TENM3: variants seen among roughly 807,000 people sequenced by gnomAD.
TENM3 encodes the protein teneurin-3.
TENM3 carries 63 observed loss-of-function variants against 255.1 expected under a neutral mutation model. The ratio of observed to expected loss-of-function variants is 0.25; its 90% CI spans 0.20 to 0.30. The LOEUF (loss-of-function observed/expected upper bound fraction) is 0.30. Ranked by LOEUF, TENM3 falls within the 10% of genes least tolerant of loss-of-function variation. The probability of loss-of-function intolerance (pLI) is 1.00; values close to 1 mark genes in which losing one functional copy is unlikely to be tolerated. For synonymous variants in TENM3, 1,306 were observed against 1,322.3 expected (o/e 0.99, Z 0.27); for missense variants, 2,929 against 3,461.1 (o/e 0.85, Z 3.86).
chr4:181,523,147 T>TAGTGAAGC, the TENM3 span: 4 of 365,686 alleles, frequency 1.1e-5, no homozygotes, highest in East Asian at 2.3e-4. Context: ...AAGCCTGTAC[T>TAGTGAAGC]CAATATATAA....
At chr4:182,555,640 A>G (rs1742509218) in intron 3 of TENM3, among the ~76,000 whole-genome samples, 1 of 152,224 alleles carries the variant, frequency 6.6e-6, no homozygotes, top group South Asian at 2.1e-4. Flanking sequence ...TACCATGTCA[A>G]GAAAGACTCA....
At chr4:181,954,324 G>C in the TENM3 span, among the ~76,000 whole-genome samples, 2 of 152,128 alleles carry the variant, frequency 1.3e-5, no homozygotes, top group Admixed American at 1.3e-4. Context: ...CTAAATATAT[G>C]TTAATTTTAT....
At chr4:182,297,573 GCT>G (rs1285800941) in intron 1 of TENM3, among the ~76,000 whole-genome samples, 3 of 152,144 alleles carry the variant, frequency 2.0e-5, no homozygotes, top group Non-Finnish European at 4.4e-5. Flanking sequence ...AGTGTCCCAG[GCT>G]CCCAAGCTGC....
chr4:181,884,064 C>T, the TENM3 span, among the ~76,000 whole-genome samples: 1 of 152,066 alleles, frequency 6.6e-6, no homozygotes, highest in African/African-American at 2.4e-5. Context: ...GAACAATTCT[C>T]ATTATTTACA....
chr4:181,878,211 T>C, the TENM3 span, among the ~76,000 whole-genome samples: 4 of 152,122 alleles, frequency 2.6e-5, no homozygotes, highest in Admixed American at 1.3e-4. Flanking sequence ...GTTTAACTTA[T>C]ATACAAGGCT....
chr4:181,529,790 C>T, the TENM3 span, among the ~76,000 whole-genome samples: 23 of 152,294 alleles, frequency 1.5e-4, no homozygotes, highest in South Asian at 3.3e-3. Context: ...TCAATAGGCA[C>T]GGTGCTATGT....
the TENM3 span, among the ~76,000 whole-genome samples, chr4:181,595,466 A>T: frequency 6.7e-6 from 1 of 148,478 alleles, no homozygotes; most frequent in Admixed American, 6.7e-5. Flanking sequence ...AAGCAAGAGT[A>T]GAATTTAATT....
chr4:181,734,311 T>C, the TENM3 span, among the ~76,000 whole-genome samples: 1 of 148,958 alleles, frequency 6.7e-6, no homozygotes, highest in African/African-American at 2.5e-5. Context: ...GTTTTGCTCA[T>C]TTTTTTTTTA....
intron 3 of TENM3, among the ~76,000 whole-genome samples, chr4:182,468,547 CA>C (rs1732808026): frequency 6.6e-6 from 1 of 152,076 alleles, no homozygotes; most frequent in African/African-American, 2.4e-5. Context: ...TAAACTAACA[CA>C]TAACATCTGC....
At chr4:182,512,482 C>G (rs1737507844) in intron 3 of TENM3, among the ~76,000 whole-genome samples, 1 of 152,166 alleles carries the variant, frequency 6.6e-6, no homozygotes, top group South Asian at 2.1e-4. Flanking sequence ...ATTAAAACAG[C>G]TCACATTACC....
chr4:182,068,352 A>G, the TENM3 span, among the ~76,000 whole-genome samples: 12 of 151,488 alleles, frequency 7.9e-5, no homozygotes, highest in African/African-American at 2.9e-4. Context: ...CTTGCAAATA[A>G]TGAGGATACA....
the TENM3 span, among the ~76,000 whole-genome samples, chr4:181,562,395 A>G: frequency 6.6e-6 from 1 of 152,160 alleles, no homozygotes. Context: ...ATACATTGGT[A>G]TAAGACAAAA....
intron 3 of TENM3, among the ~76,000 whole-genome samples, chr4:182,523,476 C>T (rs577654509): frequency 6.6e-6 from 1 of 152,258 alleles, no homozygotes; most frequent in African/African-American, 2.4e-5. Context: ...GGGCAACCTT[C>T]CATTCCCTGT....
At chr4:182,451,450 G>T (rs1329190246) in intron 3 of TENM3, among the ~76,000 whole-genome samples, 1 of 151,980 alleles carries the variant, frequency 6.6e-6, no homozygotes, top group East Asian at 1.9e-4. Context: ...ATTTTTACTT[G>T]GTTAAAGGGG....
the TENM3 span, among the ~76,000 whole-genome samples, chr4:181,787,412 T>G: frequency 1.4e-4 from 22 of 151,804 alleles, no homozygotes; most frequent in African/African-American, 5.1e-4. Flanking sequence ...CATCTCAGCT[T>G]ACTGCAACCT....
chr4:182,029,420 A>G, the TENM3 span, among the ~76,000 whole-genome samples: 193 of 152,320 alleles, frequency 1.3e-3, no homozygotes, highest in African/African-American at 4.5e-3. Context: ...GTCAATGCTG[A>G]AAGTGGAGTA....
At chr4:181,975,829 G>A in the TENM3 span, 1 of 152,154 alleles carries the variant, frequency 6.6e-6, no homozygotes, top group South Asian at 2.1e-4. Context: ...GTGTTTCCTT[G>A]GTCTGCCATA....
At chr4:181,608,263 G>C in the TENM3 span, among the ~76,000 whole-genome samples, 1 of 152,284 alleles carries the variant, frequency 6.6e-6, no homozygotes, top group Non-Finnish European at 1.5e-5. Flanking sequence ...AGAGATGAAT[G>C]AGTACAACAT....
At chr4:182,529,132 A>G (rs913411370) in intron 3 of TENM3, among the ~76,000 whole-genome samples, 3 of 152,198 alleles carry the variant, frequency 2.0e-5, no homozygotes, top group African/African-American at 7.2e-5. Flanking sequence ...TTCCAAGTAG[A>G]TTATAGTTTT....
Sources: allele counts gnomAD v4.1 joint callset (sites outside exome capture counted in the v4.1 genomes callset), GRCh38; gene constraint gnomAD v4.1.1; transcripts MANE v1.5; gene names NCBI Gene and HGNC (gene_info 2026-07-23, HGNC 2026-07-21).